Variants in NKAIN1 observed in about 807,000 individuals in gnomAD.
NKAIN1 encodes sodium/potassium transporting ATPase interacting 1, also known as sodium/potassium-transporting ATPase subunit beta-1-interacting protein 1.
Under a neutral mutation model 31.6 loss-of-function variants are expected in NKAIN1, and 13 were observed. The observed-to-expected ratio is 0.41, with a 90% CI of 0.27 to 0.65. The LOEUF (loss-of-function observed/expected upper bound fraction) is 0.65, where lower values mean the gene tolerates loss of function less well. Among genes scored for constraint, NKAIN1 ranks in the 30% least tolerant of loss-of-function variants. NKAIN1 has a pLI of 0.30. For synonymous variants in NKAIN1, 104 were observed against 109.0 expected, an observed-to-expected ratio of 0.95 and a Z score of 0.28; for missense variants, 193 against 262.2, an observed-to-expected ratio of 0.74 and a Z score of 1.82.
rs1382097096 is a variant in NKAIN1 at position 31,239,142 on chromosome 1, G to A, written c.54+352C>T. Among the ~76,000 whole-genome samples the A allele has an allele frequency of 6.6e-6, 1 of 152,038 alleles. No homozygotes were observed. The highest frequency in any genetic ancestry group is 2.4e-5 in the African/African-American group (1 of 41,402). Reference sequence around the variant, plus strand: ...GGGAAACACACAGCAGGACCTCAACGGATCCACAGATCAGCCTCAGACACA... The same window carrying A: ...GGGAAACACACAGCAGGACCTCAACAGATCCACAGATCAGCCTCAGACACA... On this transcript the variant is annotated intron_variant, in intron 1 of 6. Transcript: ENST00000373736. This position sits in a 1 kb window ranked among gnomAD's most constrained non-coding sequence, Gnocchi z 4.8.
In NKAIN1 at chr1:31,189,874, T is replaced by G. The variant is rs118135942; in HGVS notation, c.55-1687A>C. ...TGTGGTGTGAGCTTGGAGCTGTTGG[T>G]GGCTGCCTTGGCCACCTCAGGTGGA... On this transcript the variant is annotated intron_variant, in intron 1 of 6. Coordinates refer to ENST00000373736, the MANE Select transcript of NKAIN1 (RefSeq NM_024522.3). 4.1e-3 allele frequency among the ~76,000 whole-genome samples: 617 copies of G among 152,292 alleles called. 37 individuals are homozygous for G. In the East Asian group the frequency reaches 0.099, roughly 24 times the overall value.
At chr1:31,221,321 T>C (rs1645562952) in intron 1 of NKAIN1, among the ~76,000 whole-genome samples, 1 of 152,186 alleles carries the variant, frequency 6.6e-6, no homozygotes, top group African/African-American at 2.4e-5. Flanking sequence ...ATTCTCATTG[T>C]GTGGTCCCTG....
intron 1 of NKAIN1, chr1:31,193,833 G>A (rs1490782072): frequency 5.3e-5 from 8 of 152,130 alleles, no homozygotes; most frequent in African/African-American, 1.7e-4. Flanking sequence ...CGTCAGCTCC[G>A]AAACACTAAT....
chr1:31,219,372 G>A (rs1415313033), intron 1 of NKAIN1, among the ~76,000 whole-genome samples: 1 of 152,264 alleles, frequency 6.6e-6, no homozygotes, highest in African/African-American at 2.4e-5. Flanking sequence ...CTGTCTATGG[G>A]TGGACATACA....
intron 1 of NKAIN1, among the ~76,000 whole-genome samples, chr1:31,210,176 C>T (rs904711775): frequency 1.3e-5 from 2 of 151,998 alleles, no homozygotes; most frequent in Non-Finnish European, 2.9e-5. Context: ...TAGGGCTCAG[C>T]GCCCTCCTTT....
rs991288757 is a variant in NKAIN1, at chr1:31,233,801, C to T, written c.54+5693G>A. On this transcript the variant is annotated intron_variant, in intron 1 of 6. Coordinates refer to ENST00000373736, the MANE Select transcript of NKAIN1 (RefSeq NM_024522.3). This position sits in a 1 kb window ranked among gnomAD's most constrained non-coding sequence, Gnocchi z 4.0. ...ACTTGGCTATCCCGGCATCAACTTGCGAATTCCCCAAACTGCCATGGGCTC... is the reference window on the plus strand; with the variant it reads ...ACTTGGCTATCCCGGCATCAACTTGTGAATTCCCCAAACTGCCATGGGCTC... Among the ~76,000 whole-genome samples the T allele has an allele frequency of 6.6e-6, 1 of 152,166 alleles. No individual in the cohort carries two copies. Among genetic ancestry groups the T allele is most frequent in the Non-Finnish European group, 1.5e-5 (1 of 68,038 alleles).
chr1:31,202,674 TAA>T lies in NKAIN1; in HGVS notation c.55-14489_55-14488del, dbSNP rs35561378. On this transcript the variant is annotated intron_variant, in intron 1 of 6. Coordinates refer to ENST00000373736, the MANE Select transcript of NKAIN1 (RefSeq NM_024522.3). ...CCTGGGCGACAGAGGAGACTCTGTA[TAA>T]AAAAAAAAAAAAAAAAATCAGGCTG... Among the ~76,000 whole-genome samples the T allele has an allele frequency of 7.4e-3, 746 of 100,952 alleles. 3 individuals carry two copies. Among genetic ancestry groups the T allele is most frequent in the African/African-American group, 0.028 (683 of 24,812 alleles). 66.2% of individuals were successfully genotyped at this position (100,952 alleles called of 152,430 possible).
intron 1 of NKAIN1, among the ~76,000 whole-genome samples, chr1:31,205,916 C>A (rs1014139455): frequency 2.6e-5 from 4 of 151,590 alleles, no homozygotes; most frequent in African/African-American, 9.7e-5. Flanking sequence ...AGCCACCGCG[C>A]CCGGCCCAGA....
At chr1:31,205,618 T>TTG (rs1645417644) in intron 1 of NKAIN1, among the ~76,000 whole-genome samples, 1 of 142,024 alleles carries the variant, frequency 7.0e-6, no homozygotes, top group African/African-American at 2.6e-5. Context: ...GACAAGTTTT[T>TTG]TTTTTTTTTT....
At chr1:31,185,192 A>C in intron 3 of NKAIN1, 55 bp downstream of exon 3, 1 of 1,421,822 alleles carries the variant, frequency 7.0e-7, no homozygotes, top group East Asian at 2.4e-5. Flanking sequence ...CCCTTAGGGC[A>C]GGGGATGGGA....
intron 4 of NKAIN1, among the ~76,000 whole-genome samples, chr1:31,183,544 G>A (rs1429801874): frequency 1.4e-5 from 2 of 147,908 alleles, no homozygotes; most frequent in Non-Finnish European, 3.0e-5. Flanking sequence ...CACCTCCTGG[G>A]TTCAAGCAAT....
intron 1 of NKAIN1, among the ~76,000 whole-genome samples, chr1:31,200,063 GCA>G (rs1645367000): frequency 6.6e-6 from 1 of 151,150 alleles, no homozygotes; most frequent in Admixed American, 6.6e-5. Flanking sequence ...ACACGCACGC[GCA>G]CGCACGAACA....
At chr1:31,232,431 A>AGAGAGAGAGAGG in intron 1 of NKAIN1, among the ~76,000 whole-genome samples, 1 of 62,178 alleles carries the variant, frequency 1.6e-5, no homozygotes, top group Non-Finnish European at 2.9e-5. Flanking sequence ...ATATAGAGAG[A>AGAGAGAGAGAGG]GAGAGAGAGA....
chr1:31,224,785 C>A (rs1341511405), intron 1 of NKAIN1, among the ~76,000 whole-genome samples: 2 of 152,214 alleles, frequency 1.3e-5, no homozygotes, highest in African/African-American at 4.8e-5. Flanking sequence ...TGACAGTCAA[C>A]CAAATGTGGG....
At chr1:31,237,962 C>G (rs1046720634) in intron 1 of NKAIN1, among the ~76,000 whole-genome samples, 1 of 152,202 alleles carries the variant, frequency 6.6e-6, no homozygotes, top group South Asian at 2.1e-4. Context: ...CTTGGCATTT[C>G]ATGTTCCTCA....
At chr1:31,197,414 T>G (rs918560422) in intron 1 of NKAIN1, among the ~76,000 whole-genome samples, 5 of 152,066 alleles carry the variant, frequency 3.3e-5, no homozygotes, top group Non-Finnish European at 5.9e-5. Flanking sequence ...TCTGGCCTAA[T>G]TTTTTGTATT....
intron 1 of NKAIN1, among the ~76,000 whole-genome samples, chr1:31,224,432 GC>G (rs1645586741): frequency 6.6e-6 from 1 of 152,120 alleles, no homozygotes; most frequent in Non-Finnish European, 1.5e-5. Flanking sequence ...TTACGACGGG[GC>G]CACATCCCAA....
intron 1 of NKAIN1, among the ~76,000 whole-genome samples, chr1:31,226,522 T>C (rs1264692191): frequency 7.9e-6 from 1 of 126,330 alleles, no homozygotes; most frequent in Non-Finnish European, 1.6e-5. Context: ...TTGAAGAAAA[T>C]CTTTTTTTTT....
chr1:31,235,208 C>T (rs998155442), intron 1 of NKAIN1, among the ~76,000 whole-genome samples: 2 of 151,946 alleles, frequency 1.3e-5, no homozygotes, highest in Non-Finnish European at 2.9e-5. Context: ...TGGTTCATCC[C>T]CTTCCAGGAA....
Sources: allele counts gnomAD v4.1 joint callset (sites outside exome capture counted in the v4.1 genomes callset), GRCh38; gene constraint gnomAD v4.1.1; non-coding constraint Gnocchi (gnomAD v3.1); transcripts MANE v1.5; gene names NCBI Gene and HGNC (gene_info 2026-07-23, HGNC 2026-07-21).